CCDC141: variants seen among roughly 807,000 people sequenced by gnomAD.
The protein encoded by CCDC141 is coiled-coil domain-containing protein 141.
Under a neutral mutation model 181.0 loss-of-function variants are expected in CCDC141, and 168 were observed. The observed-to-expected ratio is 0.93, with a 90% CI of 0.82 to 1.05. CCDC141 has a LOEUF of 1.05. Among genes scored for constraint, CCDC141 ranks in the 50% least tolerant of loss-of-function variants. The pLI is 0.00. For synonymous variants in CCDC141, 666 were observed against 642.3 expected (o/e 1.04, Z -0.56); for missense variants, 1,902 against 1,788.5 (o/e 1.06, Z -1.14).
intron 2 of CCDC141, among the ~76,000 whole-genome samples, chr2:178,986,844 C>T (rs1308128282): frequency 1.3e-5 from 2 of 150,880 alleles, no homozygotes; most frequent in East Asian, 3.9e-4. Flanking sequence ...AAGAACATTC[C>T]ATGCTCATGG....
chr2:178,908,414 G>A (rs775312437), intron 7 of CCDC141, among the ~76,000 whole-genome samples: 21 of 152,060 alleles, frequency 1.4e-4, no homozygotes, highest in Non-Finnish European at 2.5e-4. Context: ...GGCTGGTCTC[G>A]AACTCCTGAC....
At chr2:178,939,098 T>C (rs2154376644) in intron 6 of CCDC141, among the ~76,000 whole-genome samples, 1 of 152,272 alleles carries the variant, frequency 6.6e-6, no homozygotes, top group East Asian at 1.9e-4. Flanking sequence ...AAAATGTGTA[T>C]CCAGCAAAGG....
chr2:178,970,744 G>A (rs1270597520), intron 4 of CCDC141, among the ~76,000 whole-genome samples: 1 of 152,066 alleles, frequency 6.6e-6, no homozygotes, highest in Non-Finnish European at 1.5e-5. Flanking sequence ...CAAAAGCAAT[G>A]GCAACAAAAG....
intron 7 of CCDC141, among the ~76,000 whole-genome samples, chr2:178,915,185 AAAAG>A (rs949543589): frequency 1.8e-4 from 28 of 152,120 alleles, no homozygotes; most frequent in Non-Finnish European, 3.2e-4. Context: ...CCCTGAAAAA[AAAAG>A]AAAGAAAGAA....
intron 2 of CCDC141, among the ~76,000 whole-genome samples, chr2:179,006,396 G>A (rs1423981318): frequency 1.3e-5 from 2 of 152,138 alleles, no homozygotes; most frequent in Admixed American, 6.5e-5. Flanking sequence ...AACAGTGGGA[G>A]TTTTCATATG....
At position 178,997,493 on chromosome 2, in the gene CCDC141, A is replaced by G. The variant is rs1209730288; in HGVS notation, c.226-18818T>C. On this transcript the variant is annotated intron_variant, in intron 2 of 23. Transcript: ENST00000443758. ...ATGATACCCCAGCATGCCAATGATA[A>G]TGATTTCAGATCTGGGAAGGAGACA... 2.6e-5 allele frequency among the ~76,000 whole-genome samples: 4 copies of G among 152,110 alleles called. No homozygotes were observed. The South Asian group carries it at 6.3e-4, about 24-fold the overall frequency.
chr2:179,017,057 C>T (rs1268008279), intron 2 of CCDC141, among the ~76,000 whole-genome samples: 1 of 151,830 alleles, frequency 6.6e-6, no homozygotes, highest in Non-Finnish European at 1.5e-5. Context: ...ATTCATTTGG[C>T]AGATTTTATT....
At chr2:178,893,821 ACG>A (rs373133646) in intron 8 of CCDC141, among the ~76,000 whole-genome samples, 4,041 of 130,358 alleles carry the variant, frequency 0.031, 67 homozygotes, top group Non-Finnish European at 0.038. Flanking sequence ...ACACACACAC[ACG>A]CACACACACA....
chr2:178,829,307 G>A (rs1684174633), downstream of CCDC141, among the ~76,000 whole-genome samples: 1 of 152,188 alleles, frequency 6.6e-6, no homozygotes, highest in South Asian at 2.1e-4. Context: ...CAATGAATCC[G>A]ATTTGCCATG....
intron 7 of CCDC141, among the ~76,000 whole-genome samples, chr2:178,907,638 T>C (rs1477232025): frequency 2.0e-5 from 3 of 152,190 alleles, no homozygotes; most frequent in African/African-American, 7.2e-5. Flanking sequence ...CTCTTCTTTA[T>C]CTGATTCTTT....
At chr2:178,884,457 G>A (rs141809668) in intron 11 of CCDC141, among the ~76,000 whole-genome samples, 9 of 152,224 alleles carry the variant, frequency 5.9e-5, no homozygotes, top group African/African-American at 1.7e-4. Flanking sequence ...GTGCAACAAT[G>A]CATAATTTAC....
rs557887279 is a variant in CCDC141 at position 178,927,035 on chromosome 2, A to T, written c.898-8128T>A. Among the ~76,000 whole-genome samples, 347 of 152,294 alleles carry T rather than the reference A, an allele frequency of 2.3e-3. 1 individual carries two copies. Among genetic ancestry groups the T allele is most frequent in the Non-Finnish European group, 3.7e-3 (254 of 68,026 alleles). ...TTACCTTCCTTGTAAAATTTGTGTA[A>T]CTATATTTATAATAGCTATGTACTC... On this transcript the variant is annotated intron_variant, in intron 6 of 23. Coordinates refer to ENST00000443758, the MANE Select transcript of CCDC141 (RefSeq NM_173648.4).
intron 8 of CCDC141, among the ~76,000 whole-genome samples, chr2:178,895,775 T>A (rs1246010040): frequency 6.6e-6 from 1 of 152,222 alleles, no homozygotes; most frequent in African/African-American, 2.4e-5. Context: ...TCAAAGTCTT[T>A]TAAAAGCAGT....
chr2:178,869,626 A>G (rs930814031), intron 14 of CCDC141, among the ~76,000 whole-genome samples: 1 of 152,244 alleles, frequency 6.6e-6, no homozygotes, highest in Admixed American at 6.5e-5. Context: ...TATTTTAGAT[A>G]TTTTATGCAG....
At chr2:178,870,231 C>CATA (rs1686051892) in intron 14 of CCDC141, among the ~76,000 whole-genome samples, 1 of 60,294 alleles carries the variant, frequency 1.7e-5, no homozygotes. Flanking sequence ...GACTCTGTCT[C>CATA]AAAAAAAAAA....
chr2:178,953,237 C>G (rs1690029295), intron 5 of CCDC141, among the ~76,000 whole-genome samples: 1 of 152,080 alleles, frequency 6.6e-6, no homozygotes, highest in Admixed American at 6.6e-5. Flanking sequence ...AAGATCGAGA[C>G]CATCCTGGCT....
intron 21 of CCDC141, among the ~76,000 whole-genome samples, chr2:178,846,297 A>C (rs1352057803): frequency 6.6e-6 from 1 of 152,202 alleles, no homozygotes; most frequent in Non-Finnish European, 1.5e-5. Flanking sequence ...GCTCAGTTTT[A>C]GTCATGGAGG....
At chr2:178,875,164 C>G (rs1485653065) in intron 12 of CCDC141, 1 of 152,150 alleles carries the variant, frequency 6.6e-6, no homozygotes, top group East Asian at 1.9e-4. Flanking sequence ...TCTGCTGATC[C>G]TCCAATTTTT....
At chr2:178,988,545 T>C (rs534094508) in intron 2 of CCDC141, among the ~76,000 whole-genome samples, 1 of 151,974 alleles carries the variant, frequency 6.6e-6, no homozygotes, top group East Asian at 1.9e-4. Context: ...CGTTTATGAG[T>C]TGGAAGACTT....
Sources: allele counts gnomAD v4.1 joint callset (sites outside exome capture counted in the v4.1 genomes callset), GRCh38; gene constraint gnomAD v4.1.1; transcripts MANE v1.5; gene names NCBI Gene and HGNC (gene_info 2026-07-23, HGNC 2026-07-21).